The following SPATS2 variants were observed in gnomAD, a reference collection of about 807,000 sequenced individuals.
SPATS2 encodes spermatogenesis-associated serine-rich protein 2.
A neutral mutation model predicts 63.7 loss-of-function variants in SPATS2; 38 were observed. That is an observed-to-expected ratio of 0.60 (90% confidence interval 0.46 to 0.78). The LOEUF is 0.78. SPATS2 is among the 30% of genes least tolerant of loss of function. The pLI is 0.00. For synonymous variants in SPATS2, 207 were observed against 232.9 expected, an observed-to-expected ratio of 0.89 and a Z score of 1.01; for missense variants, 588 against 666.2, an observed-to-expected ratio of 0.88 and a Z score of 1.29.
chr12:49,511,236 A>G (rs1418057055), intron 9 of SPATS2, among the ~76,000 whole-genome samples: 2 of 152,136 alleles, frequency 1.3e-5, no homozygotes, highest in Non-Finnish European at 2.9e-5. Flanking sequence ...AGTCGAGCAA[A>G]TGTGAACATG....
At chr12:49,473,980 T>C (rs555632204) in intron 3 of SPATS2, among the ~76,000 whole-genome samples, 3 of 152,254 alleles carry the variant, frequency 2.0e-5, no homozygotes, top group African/African-American at 7.2e-5. Flanking sequence ...TGGGAGAGGA[T>C]TGAGAGGGGG....
intron 4 of SPATS2, among the ~76,000 whole-genome samples, chr12:49,487,163 C>G (rs1200471694): frequency 1.3e-5 from 2 of 152,090 alleles, no homozygotes; most frequent in East Asian, 3.8e-4. Context: ...ATGTATCTCT[C>G]TAAACCCACA....
Position 49,500,140 on chromosome 12 carries a change from A to C in SPATS2, c.774A>C (p.Val258=). The stretch of plus-strand genomic sequence containing the variant: ...TGTCTCTTGCACGGTATCGAGTTGT[A>C]GTTAAAGAAGAGATGGATGCCTCCA... ...CTVSLARYRV[V]VKEEMDASIK... is the part of the protein sequence containing the mutation. The change falls in exon 9 of 14, where the codon GTA becomes GTC. Residue 258 remains valine (V), a synonymous_variant. Transcript: ENST00000552918. 1 of 1,611,372 alleles carries C rather than the reference A, an allele frequency of 6.2e-7. No homozygotes were observed. Among genetic ancestry groups the C allele is most frequent in the Non-Finnish European group, 8.5e-7 (1 of 1,179,058 alleles).
intron 2 of SPATS2, among the ~76,000 whole-genome samples, chr12:49,398,869 A>T (rs1218307879): frequency 5.3e-5 from 8 of 152,168 alleles, no homozygotes; most frequent in Admixed American, 5.2e-4. Context: ...ACATTAGGTA[A>T]TAGGGAGCTT....
At chr12:49,372,245 A>G (rs567273215) in intron 2 of SPATS2, among the ~76,000 whole-genome samples, 12 of 152,214 alleles carry the variant, frequency 7.9e-5, no homozygotes, top group South Asian at 6.2e-4. Context: ...AAGTTTCGCC[A>G]TTTTGGCCAG....
intron 3 of SPATS2, among the ~76,000 whole-genome samples, chr12:49,477,998 A>G (rs1946148034): frequency 7.3e-6 from 1 of 136,760 alleles, no homozygotes; most frequent in Non-Finnish European, 1.5e-5. Context: ...TTTTTGAGAC[A>G]GGGTCTTGCT....
At position 49,527,179 on chromosome 12, in the gene SPATS2, A is replaced by T. The variant is rs1947049473; in HGVS notation, c.*924A>T. On this transcript the variant is annotated 3_prime_UTR_variant, in exon 14 of 14. Transcript: ENST00000552918. Reference sequence around the variant, plus strand: ...GAGGCGGAGGCTGCAGTGAGCTGAGATTGTGCCACTGCACTCCAGCCTGGG... The same window carrying T: ...GAGGCGGAGGCTGCAGTGAGCTGAGTTTGTGCCACTGCACTCCAGCCTGGG... 1 of 148,208 alleles carries T rather than the reference A, an allele frequency of 6.7e-6. No homozygotes were observed. Among genetic ancestry groups the T allele is most frequent in the African/African-American group, 2.5e-5 (1 of 39,964 alleles). The allele number at this position is 148,208 out of a possible 1,614,324, so 9.2% of individuals were successfully genotyped here.
chr12:49,444,922 T>C (rs1195169276), intron 2 of SPATS2, among the ~76,000 whole-genome samples: 5 of 152,146 alleles, frequency 3.3e-5, no homozygotes, highest in Non-Finnish European at 7.3e-5. Flanking sequence ...TTACTTTTTG[T>C]ATATTGGTTT....
In SPATS2 at chr12:49,522,871, T is replaced by G. The variant is rs1211517038; in HGVS notation, c.1111+18T>G. On this transcript the variant is annotated intron_variant, in intron 12 of 13. Transcript: ENST00000552918. ...TGGACAAGGTGAGATGGTGAGAGGGTCTGGGCACTACAGGTGGTGATTATT... is the reference window on the plus strand; with the variant it reads ...TGGACAAGGTGAGATGGTGAGAGGGGCTGGGCACTACAGGTGGTGATTATT... 4 of 1,601,354 alleles carry G rather than the reference T, an allele frequency of 2.5e-6. No homozygotes were observed. Among genetic ancestry groups the G allele is most frequent in the Admixed American group, 3.3e-5 (2 of 59,736 alleles).
chr12:49,378,454 C>G (rs779758630), intron 2 of SPATS2, among the ~76,000 whole-genome samples: 1 of 151,450 alleles, frequency 6.6e-6, no homozygotes, highest in Non-Finnish European at 1.5e-5. Context: ...CATGCCTCCA[C>G]GCCCGGCTAA....
chr12:49,489,559 A>G lies in SPATS2; in HGVS notation c.200A>G (p.Gln67Arg). 6.2e-7 allele frequency: 1 copy of G among 1,612,186 alleles called. No homozygotes were observed. The highest frequency in any genetic ancestry group is 8.5e-7 in the Non-Finnish European group (1 of 1,179,156). ...HFDNCVDKTV[Q>R]AFMEGSASEV... ...GATAACTGTGTGGACAAAACAGTAC[A>G]AGCATTCATGGAAGGTAATCCTGAC... is the stretch of plus-strand genomic sequence containing the variant. The change falls in exon 5 of 14, where the codon CAA (glutamine) becomes CGA (arginine). Residue 67 changes from glutamine (Q) to arginine (R), a missense_variant. Physicochemically the swap from Gln to Arg is conservative, Grantham distance 43 (BLOSUM62 1). Coordinates refer to ENST00000552918, the MANE Select transcript of SPATS2 (RefSeq NM_023071.4).
At chr12:49,412,673 G>C (rs552459427) in intron 2 of SPATS2, among the ~76,000 whole-genome samples, 3 of 151,768 alleles carry the variant, frequency 2.0e-5, no homozygotes, top group African/African-American at 7.2e-5. Flanking sequence ...TTGAAGCCAG[G>C]AGTTTGAGAC....
intron 2 of SPATS2, among the ~76,000 whole-genome samples, chr12:49,456,906 T>C (rs972901582): frequency 6.6e-6 from 1 of 152,220 alleles, no homozygotes; most frequent in Admixed American, 6.5e-5. Context: ...TTATCTTCTA[T>C]TATAATTGTT....
intron 9 of SPATS2, chr12:49,512,949 A>G: frequency 1.6e-6 from 2 of 1,276,454 alleles, no homozygotes; most frequent in Non-Finnish European, 2.0e-6. Context: ...ACCCCACAAT[A>G]ATTGTATCTT....
intron 13 of SPATS2, among the ~76,000 whole-genome samples, chr12:49,525,298 G>A (rs117576357): frequency 0.014 from 2,077 of 152,302 alleles, 17 homozygotes; most frequent in Non-Finnish European, 0.02. Context: ...GAGTGAACTG[G>A]TGGGGATGGG....
At chr12:49,371,328 G>C (rs953110701) in intron 2 of SPATS2, 38 bp downstream of exon 2, 1 of 152,158 alleles carries the variant, frequency 6.6e-6, no homozygotes, top group African/African-American at 2.4e-5. Context: ...TTTTGTGTCT[G>C]GTGTGTACCA....
intron 4 of SPATS2, among the ~76,000 whole-genome samples, chr12:49,488,130 C>T (rs1946325495): frequency 6.6e-6 from 1 of 151,832 alleles, no homozygotes; most frequent in African/African-American, 2.4e-5. Context: ...CTGCAACCTC[C>T]ACCTCCCGGG....
chr12:49,448,763 C>T (rs559523108), intron 2 of SPATS2, among the ~76,000 whole-genome samples: 6 of 149,864 alleles, frequency 4.0e-5, no homozygotes, highest in East Asian at 3.9e-4. Flanking sequence ...AAATGTTTAG[C>T]GATTTCCCAT....
At chr12:49,383,118 A>G (rs986882351) in intron 2 of SPATS2, among the ~76,000 whole-genome samples, 9 of 151,836 alleles carry the variant, frequency 5.9e-5, no homozygotes, top group African/African-American at 2.2e-4. Context: ...CCCGGGTTCA[A>G]GCGATTCTCC....
Sources: gnomAD v4.1 joint callset for allele counts (sites outside exome capture counted in the v4.1 genomes callset) on GRCh38, gnomAD v4.1.1 for gene constraint, MANE v1.5 for transcripts, NCBI Gene and HGNC (gene_info 2026-07-23, HGNC 2026-07-21) for gene names.